Variants in MAP2K1 observed in about 807,000 individuals in gnomAD.
MAP2K1 encodes mitogen-activated protein kinase kinase 1, also known as dual specificity mitogen-activated protein kinase kinase 1.
MAP2K1 carries 16 observed loss-of-function variants against 46.3 expected under a neutral mutation model. The observed-to-expected ratio is 0.35, with a 90% CI of 0.23 to 0.52. The LOEUF (loss-of-function observed/expected upper bound fraction) is 0.52, where lower values mean the gene tolerates loss of function less well. Among genes scored for constraint, MAP2K1 ranks in the 20% least tolerant of loss-of-function variants. The pLI is 0.94. For synonymous variants in MAP2K1, 183 were observed against 185.6 expected (o/e 0.99, Z 0.11); for missense variants, 263 against 497.1 (o/e 0.53, Z 4.48).
intron 5 of MAP2K1, among the ~76,000 whole-genome samples, chr15:66,468,823 T>A (rs1892535209): frequency 6.7e-6 from 1 of 150,192 alleles, no homozygotes; most frequent in Non-Finnish European, 1.5e-5. Context: ...CCCAACTACT[T>A]GGGAGGCTTA....
intron 1 of MAP2K1, among the ~76,000 whole-genome samples, chr15:66,395,438 G>A (rs1038881518): frequency 4.0e-5 from 6 of 151,822 alleles, no homozygotes; most frequent in Non-Finnish European, 8.8e-5. Context: ...TTCACCTGCT[G>A]TGGTCCACTT....
intron 8 of MAP2K1, among the ~76,000 whole-genome samples, chr15:66,487,708 T>C (rs571416917): frequency 6.8e-4 from 104 of 152,302 alleles, no homozygotes; most frequent in African/African-American, 2.4e-3. Context: ...CCATGGGCTG[T>C]AGAAAAGCAG....
At chr15:66,426,985 C>T (rs922011700) in intron 1 of MAP2K1, among the ~76,000 whole-genome samples, 2 of 152,188 alleles carry the variant, frequency 1.3e-5, no homozygotes, top group Admixed American at 1.3e-4. Context: ...ATATAAACCC[C>T]ATTGACGATG....
At chr15:66,434,336 G>A (rs376574426) in intron 1 of MAP2K1, among the ~76,000 whole-genome samples, 22 of 152,194 alleles carry the variant, frequency 1.4e-4, no homozygotes, top group Middle Eastern at 3.4e-3. Flanking sequence ...GGAAATTGTC[G>A]ACAATGTATT....
chr15:66,469,723 C>CACATAT (rs143830560), intron 5 of MAP2K1, among the ~76,000 whole-genome samples: 6 of 134,460 alleles, frequency 4.5e-5, no homozygotes, highest in Non-Finnish European at 9.5e-5. Context: ...CACACACACA[C>CACATAT]ATATCGGATG....
chr15:66,438,177 C>G (rs565974055), intron 3 of MAP2K1, among the ~76,000 whole-genome samples: 1 of 151,894 alleles, frequency 6.6e-6, no homozygotes, highest in South Asian at 2.1e-4. Context: ...ACCTCCACCT[C>G]CCAGGTTCAA....
At chr15:66,415,051 A>G (rs548827661) in intron 1 of MAP2K1, 51 of 499,924 alleles carry the variant, frequency 1.0e-4, no homozygotes, top group Non-Finnish European at 8.8e-5. Flanking sequence ...CTTCATGTCA[A>G]TGCACTGCTT....
chr15:66,430,000 C>T (rs558708267), intron 1 of MAP2K1, among the ~76,000 whole-genome samples: 1 of 152,136 alleles, frequency 6.6e-6, no homozygotes, highest in Non-Finnish European at 1.5e-5. Flanking sequence ...GACAACTTTT[C>T]CCTTCCCTCC....
At chr15:66,436,032 A>C (rs527735280) in intron 2 of MAP2K1, among the ~76,000 whole-genome samples, 2 of 152,036 alleles carry the variant, frequency 1.3e-5, no homozygotes, top group African/African-American at 4.8e-5. Flanking sequence ...GGGCTCTTCA[A>C]TGTTTTTTTG....
chr15:66,456,555 T>C (rs554318147), intron 5 of MAP2K1, among the ~76,000 whole-genome samples: 49 of 152,328 alleles, frequency 3.2e-4, no homozygotes, highest in African/African-American at 1.2e-3. Flanking sequence ...GGAGGCAGGA[T>C]GGACCTCACT....
rs1566991522 is a variant in MAP2K1, at chr15:66,387,176, G to A, written c.-172G>A. On this transcript the variant is annotated 5_prime_UTR_variant, in exon 1 of 11. Coordinates refer to ENST00000307102, the MANE Select transcript of MAP2K1 (RefSeq NM_002755.4). ...GGTGGGGCGGGGGTCCACTGAGACC[G>A]CTACCGGCCCCTCGGCGCTGACGGG... The A allele has an allele frequency of 6.0e-6, 3 of 502,934 alleles. No individual in the cohort carries two copies. Among genetic ancestry groups the A allele is most frequent in the South Asian group, 7.3e-5 (2 of 27,518 alleles). The allele number at this position is 502,934 out of a possible 1,614,324, so 31.2% of individuals were successfully genotyped here.
intron 5 of MAP2K1, among the ~76,000 whole-genome samples, chr15:66,452,988 T>G (rs1431395268): frequency 6.6e-6 from 1 of 152,206 alleles, no homozygotes; most frequent in East Asian, 1.9e-4. Flanking sequence ...TTTGAAGGTT[T>G]GTTACATGGA....
chr15:66,441,452 C>G (rs936972161), intron 3 of MAP2K1, among the ~76,000 whole-genome samples: 2 of 151,986 alleles, frequency 1.3e-5, no homozygotes, highest in Non-Finnish European at 2.9e-5. Context: ...AGGAGAATTG[C>G]TTGAGCCCAT....
At chr15:66,422,304 A>G (rs972378612) in intron 1 of MAP2K1, among the ~76,000 whole-genome samples, 2 of 152,170 alleles carry the variant, frequency 1.3e-5, no homozygotes, top group East Asian at 3.9e-4. Flanking sequence ...TGATACCTAT[A>G]AGTGTGTGTG....
At chr15:66,421,083 TAC>T (rs1298798305) in intron 1 of MAP2K1, among the ~76,000 whole-genome samples, 8 of 75,502 alleles carry the variant, frequency 1.1e-4, no homozygotes, top group African/African-American at 3.6e-4. Context: ...TATATACACA[TAC>T]ACACACATAC....
chr15:66,431,355 A>G (rs920029257), intron 1 of MAP2K1, among the ~76,000 whole-genome samples: 25 of 152,146 alleles, frequency 1.6e-4, no homozygotes, highest in African/African-American at 6.0e-4. Context: ...AATACTGAAT[A>G]CTGTTTCATT....
At chr15:66,440,135 A>G (rs927179998) in intron 3 of MAP2K1, among the ~76,000 whole-genome samples, 1 of 151,952 alleles carries the variant, frequency 6.6e-6, no homozygotes, top group Non-Finnish European at 1.5e-5. Flanking sequence ...ACTGTTGCCC[A>G]TGCTAGAGTA....
intron 5 of MAP2K1, among the ~76,000 whole-genome samples, chr15:66,453,062 C>A (rs1426450454): frequency 6.6e-6 from 1 of 152,180 alleles, no homozygotes; most frequent in Non-Finnish European, 1.5e-5. Context: ...GCCAAGGACC[C>A]ATGTCTCTTA....
In MAP2K1 at chr15:66,491,152, C is replaced by G. The variant is rs1457883149; in HGVS notation, c.*537C>G. 4 of 285,646 alleles carry G rather than the reference C, an allele frequency of 1.4e-5. No homozygotes were observed. In the Admixed American group the frequency reaches 1.9e-4, roughly 13 times the overall value. The allele number at this position is 285,646 out of a possible 1,614,324, so 17.7% of individuals were successfully genotyped here. On this transcript the variant is annotated 3_prime_UTR_variant, in exon 11 of 11. Coordinates refer to ENST00000307102, the MANE Select transcript of MAP2K1 (RefSeq NM_002755.4). ...ATTATTATTTGCTTTTCATGTAGAA[C>G]TCAGCAGTTGACATCCAAATCTAGC... is the stretch of plus-strand genomic sequence containing the variant.
Sources: gnomAD v4.1 joint callset for allele counts (sites outside exome capture counted in the v4.1 genomes callset) on GRCh38, gnomAD v4.1.1 for gene constraint, MANE v1.5 for transcripts, NCBI Gene and HGNC (gene_info 2026-07-23, HGNC 2026-07-21) for gene names.